Variants in ARB2A observed in about 807,000 individuals in gnomAD.
ARB2A encodes the protein ARB2 cotranscriptional regulator A, also known as cotranscriptional regulator ARB2A.
At chr5:94,067,484 A>T in the ARB2A span, among the ~76,000 whole-genome samples, 2 of 152,340 alleles carry the variant, frequency 1.3e-5, no homozygotes, top group South Asian at 4.1e-4. Context: ...TTCAATAAAT[A>T]ACAGTATATA....
At chr5:93,972,792 G>A in the ARB2A span, among the ~76,000 whole-genome samples, 7 of 151,980 alleles carry the variant, frequency 4.6e-5, no homozygotes, top group African/African-American at 7.2e-5. Context: ...TTCACTACAG[G>A]GGGCTTGTTG....
chr5:94,106,421 A>C, the ARB2A span, among the ~76,000 whole-genome samples: 1 of 152,288 alleles, frequency 6.6e-6, no homozygotes, highest in African/African-American at 2.4e-5. Flanking sequence ...CAAAACCAAA[A>C]TAAGAACCAT....
the ARB2A span, among the ~76,000 whole-genome samples, chr5:93,686,516 C>T: frequency 6.6e-6 from 1 of 152,214 alleles, no homozygotes; most frequent in Non-Finnish European, 1.5e-5. Flanking sequence ...AATTCCCTTT[C>T]TTACCTTAAA....
At chr5:93,881,597 G>C in the ARB2A span, 1 of 1,610,620 alleles carries the variant, frequency 6.2e-7, no homozygotes. Flanking sequence ...TGGTTCATCT[G>C]AACTATCAGA....
chr5:93,784,641 G>T, the ARB2A span: 1 of 603,664 alleles, frequency 1.7e-6, no homozygotes, highest in Non-Finnish European at 2.9e-6. Context: ...CTCTTTTTTT[G>T]CATTGAACAC....
the ARB2A span, among the ~76,000 whole-genome samples, chr5:93,816,652 G>A: frequency 5.3e-5 from 8 of 152,198 alleles, no homozygotes; most frequent in East Asian, 1.9e-4. Flanking sequence ...TTCCAATGGA[G>A]TAATATGGGT....
the ARB2A span, chr5:94,050,701 A>G: frequency 6.6e-7 from 1 of 1,506,446 alleles, no homozygotes; most frequent in Non-Finnish European, 9.0e-7. Flanking sequence ...AATTGGGAAA[A>G]ACAAAGTTAA....
chr5:94,073,059 G>A, the ARB2A span, among the ~76,000 whole-genome samples: 1 of 152,044 alleles, frequency 6.6e-6, no homozygotes, highest in Admixed American at 6.6e-5. Flanking sequence ...CTCCAAGAGT[G>A]CATCTTGCCA....
At chr5:94,097,745 C>T in the ARB2A span, among the ~76,000 whole-genome samples, 2 of 152,022 alleles carry the variant, frequency 1.3e-5, no homozygotes, top group East Asian at 1.9e-4. Context: ...AATACAGGCC[C>T]CCATCAGCAC....
At chr5:93,661,204 C>T in the ARB2A span, among the ~76,000 whole-genome samples, 1 of 151,930 alleles carries the variant, frequency 6.6e-6, no homozygotes, top group African/African-American at 2.4e-5. Context: ...GCTTTATGCT[C>T]GTAGAAATAC....
the ARB2A span, among the ~76,000 whole-genome samples, chr5:93,659,227 T>TA: frequency 0.016 from 2,405 of 151,950 alleles, 57 homozygotes; most frequent in African/African-American, 0.055. Context: ...CATGTTATAT[T>TA]AAAAAAAATC....
chr5:93,928,322 C>T, the ARB2A span, among the ~76,000 whole-genome samples: 5 of 152,134 alleles, frequency 3.3e-5, no homozygotes, highest in East Asian at 1.9e-4. Flanking sequence ...GAATGTCTAA[C>T]GGACCAATGT....
chr5:93,770,291 T>C, the ARB2A span, among the ~76,000 whole-genome samples: 2 of 152,238 alleles, frequency 1.3e-5, no homozygotes, highest in African/African-American at 2.4e-5. Flanking sequence ...AAATTAGGTA[T>C]TGATGGGACG....
the ARB2A span, among the ~76,000 whole-genome samples, chr5:93,749,706 C>T: frequency 6.6e-6 from 1 of 152,108 alleles, no homozygotes; most frequent in Non-Finnish European, 1.5e-5. Context: ...CTGGTAAATG[C>T]TGACATACAA....
the ARB2A span, among the ~76,000 whole-genome samples, chr5:93,949,777 C>G: frequency 6.6e-6 from 1 of 152,048 alleles, no homozygotes; most frequent in Non-Finnish European, 1.5e-5. Context: ...CATTAACTAT[C>G]CTCCCTCCCC....
chr5:93,623,570 G>T, the ARB2A span, among the ~76,000 whole-genome samples: 2 of 152,136 alleles, frequency 1.3e-5, no homozygotes, highest in African/African-American at 4.8e-5. Context: ...CACTACAAAA[G>T]CTTTTTAGTT....
the ARB2A span, among the ~76,000 whole-genome samples, chr5:93,961,869 T>C: frequency 6.6e-6 from 1 of 151,844 alleles, no homozygotes; most frequent in Non-Finnish European, 1.5e-5. Context: ...AAATGAAAAA[T>C]GTAACAATAT....
At chr5:93,868,926 C>A in the ARB2A span, among the ~76,000 whole-genome samples, 1 of 152,178 alleles carries the variant, frequency 6.6e-6, no homozygotes, top group African/African-American at 2.4e-5. Context: ...CTCCATTTAT[C>A]TAGTCACATT....
chr5:93,647,678 C>T, the ARB2A span, among the ~76,000 whole-genome samples: 1 of 152,086 alleles, frequency 6.6e-6, no homozygotes, highest in South Asian at 2.1e-4. Context: ...CACCTGCCAC[C>T]ATGCCTGGCT....
Sources: gnomAD v4.1 joint callset for allele counts (sites outside exome capture counted in the v4.1 genomes callset) on GRCh38, gnomAD v4.1.1 for gene constraint, MANE v1.5 for transcripts, NCBI Gene and HGNC (gene_info 2026-07-23, HGNC 2026-07-21) for gene names.